VPS9D1: variants seen among roughly 807,000 people sequenced by gnomAD.
VPS9D1 encodes the protein VPS9 domain-containing protein 1.
VPS9D1 carries 78 observed loss-of-function variants against 75.8 expected under a neutral mutation model. The observed-to-expected ratio is 1.03, with a 90% CI of 0.86 to 1.24. The LOEUF (loss-of-function observed/expected upper bound fraction) is 1.24, where lower values mean the gene tolerates loss of function less well. Ranked by LOEUF, VPS9D1 falls within the 50% of genes most tolerant of loss-of-function variation. The pLI, the probability that VPS9D1 is intolerant of heterozygous loss-of-function variation, is 0.00. For synonymous variants in VPS9D1, 481 were observed against 385.6 expected, an observed-to-expected ratio of 1.25 and a Z score of -2.90; for missense variants, 1,057 against 847.7, an observed-to-expected ratio of 1.25 and a Z score of -3.07.
At position 89,720,794 on chromosome 16, in the gene VPS9D1, G is replaced by A. The variant is rs951476260; in HGVS notation, c.68C>T (p.Ala23Val). 4 of 1,460,096 alleles carry A rather than the reference G, an allele frequency of 2.7e-6. No homozygotes were observed. The highest frequency in any genetic ancestry group is 1.5e-5 in the African/African-American group (1 of 67,816). The allele number at this position is 1,460,096 out of a possible 1,614,324, so 90.4% of individuals were successfully genotyped here. ...CCGGTTGCCGGTGTCCAGCTCGATG[G>A]CCCCGTTGGCAAGCTTCATGGCGCT... ...LQSAMKLANG[A>V]IELDTGNRPR... is the part of the protein sequence containing the mutation. The change falls in exon 1 of 15, where the codon GCC becomes GTC. Residue 23 changes from alanine (A) to valine (V), a missense_variant. Coordinates refer to ENST00000389386, the MANE Select transcript of VPS9D1 (RefSeq NM_004913.3).
At chr16:89,709,932 C>G (rs776883275) in intron 10 of VPS9D1, 26 bp from the exon 11 acceptor site, 69 of 1,577,658 alleles carry the variant, frequency 4.4e-5, no homozygotes, top group Non-Finnish European at 5.9e-5. Flanking sequence ...CCGGGGACGT[C>G]CACAGAGGCT....
In VPS9D1 at chr16:89,709,573, C is replaced by T; in HGVS notation, c.1389-138G>A. On this transcript the variant is annotated intron_variant, in intron 11 of 14. Transcript: ENST00000389386. ...AAAAGCCCCAGCGTTGCCAAGACCC[C>T]AGGCACGGGAGAGTGGCAATAATCC... 18 of 1,274,242 alleles carry T rather than the reference C, an allele frequency of 1.4e-5. No homozygotes were observed. In the South Asian group the frequency reaches 2.7e-4, roughly 19 times the overall value. 78.9% of individuals were successfully genotyped at this position (1,274,242 alleles called of 1,614,324 possible).
rs1469831585 is a variant in VPS9D1 at position 89,719,099 on chromosome 16, C to T, written c.103G>A (p.Ala35Thr). 11 of 1,613,348 alleles carry T rather than the reference C, an allele frequency of 6.8e-6. No individual in the cohort carries two copies. The highest frequency in any genetic ancestry group is 4.5e-5 in the East Asian group (2 of 44,890). Residue 35 changes from alanine to threonine, a missense_variant, in exon 2 of 15, where the codon GCA (alanine) becomes ACA (threonine). Transcript: ENST00000389386. ...ATGCTCCTCAGGTATTCCGTGTATG[C>T]CTCCTGTGTCCAGGAAAGAGAAAGA... is the stretch of plus-strand genomic sequence containing the variant. ...ELDTGNRPRE[A>T]YTEYLRSIHY...
Position 89,711,883 on chromosome 16 carries a change from T to G in VPS9D1, c.746A>C (p.His249Pro). Reference protein sequence around the residue: ...YAAILEYEQDHDWPKHWKAKL... With the variant: ...YAAILEYEQDPDWPKHWKAKL... ...AGCCTGGGCCCGTGGGGGACGCACA[T>G]GGTCCTGTTCGTACTCCAGGATGGC... The change falls in exon 8 of 15, where the codon CAT becomes CCT. Residue 249 changes from histidine to proline, a missense_variant and splice_region_variant. Physicochemically the swap from His to Pro is moderately conservative, Grantham distance 77. Transcript: ENST00000389386. 6.4e-7 allele frequency: 1 copy of G among 1,550,530 alleles called. No individual in the cohort carries two copies. The highest frequency in any genetic ancestry group is 8.7e-7 in the Non-Finnish European group (1 of 1,146,696).
At chr16:89,711,250 T>C (rs1169623350) in intron 9 of VPS9D1, 77 bp downstream of exon 9, 3 of 1,472,440 alleles carry the variant, frequency 2.0e-6, no homozygotes, top group Non-Finnish European at 1.9e-6. Context: ...GTCCAGCCCC[T>C]CTCCGGCACC....
rs541861650 is a variant in VPS9D1 at position 89,715,518 on chromosome 16, G to A, written c.431+944C>T. On this transcript the variant is annotated intron_variant, in intron 4 of 14. Coordinates refer to ENST00000389386, the MANE Select transcript of VPS9D1 (RefSeq NM_004913.3). ...TGGGATTACAGGCGTGAGCCACCGC[G>A]CCCGGTCATTTTTTTTTTTTTTAGA... Among the ~76,000 whole-genome samples the A allele has an allele frequency of 1.3e-4, 20 of 151,294 alleles. No homozygotes were observed. The South Asian group carries it at 2.3e-3, about 17-fold the overall frequency.
Position 89,720,619 on chromosome 16 carries a change from CGCCCGGGAACCGCG to C in VPS9D1, c.99+130_99+143del, listed in dbSNP as rs755646618. 6.3e-4 allele frequency: 765 copies of C among 1,222,748 alleles called. 2 individuals are homozygous for C. The highest frequency in any genetic ancestry group is 6.0e-4 in the Non-Finnish European group (583 of 979,324). 75.7% of individuals were successfully genotyped at this position (1,222,748 alleles called of 1,614,324 possible). A position where few individuals can be genotyped will look rare whatever the true frequency, so the allele number is the denominator to read the frequency against. On this transcript the variant is annotated intron_variant, in intron 1 of 14. Coordinates refer to ENST00000389386, the MANE Select transcript of VPS9D1 (RefSeq NM_004913.3). ...CCCGGCTGCGCCCCGCCCCCGTCCT[CGCCCGGGAACCGCG>C]GCCCGGGATCCCGGCTGGCGCCCGC...
chr16:89,712,023 C>T lies in VPS9D1; in HGVS notation c.659+24G>A, dbSNP rs2060942902. On this transcript the variant is annotated intron_variant, in intron 7 of 14. Coordinates refer to ENST00000389386, the MANE Select transcript of VPS9D1 (RefSeq NM_004913.3). ...GGGGCCAGGCCCTCCCCGCAGCGGCCCCAGGGGCGGGCAGGAGTCCCACCT... is the reference window on the plus strand; with the variant it reads ...GGGGCCAGGCCCTCCCCGCAGCGGCTCCAGGGGCGGGCAGGAGTCCCACCT... 1.9e-6 allele frequency: 3 copies of T among 1,549,316 alleles called. No individual in the cohort carries two copies. In the African/African-American group the frequency reaches 4.1e-5, roughly 21 times the overall value.
intron 12 of VPS9D1, 64 bp from the exon 13 acceptor site, chr16:89,709,020 A>AGGG: frequency 1.6e-6 from 2 of 1,277,896 alleles, no homozygotes; most frequent in African/African-American, 4.6e-5. Flanking sequence ...CACCCCTTAT[A>AGGG]CCCCGCCCAC....
intron 2 of VPS9D1, chr16:89,717,865 G>A (rs548794278): frequency 2.4e-5 from 11 of 451,090 alleles, no homozygotes; most frequent in African/African-American, 1.8e-4. Context: ...TGGCTGCCCC[G>A]ACCTCTGTGA....
intron 1 of VPS9D1, chr16:89,720,557 G>C: frequency 1.7e-6 from 2 of 1,182,166 alleles, no homozygotes; most frequent in Non-Finnish European, 2.1e-6. Context: ...GGAAAGCCAA[G>C]GTCCGCAGGA....
At chr16:89,712,841 C>A in intron 4 of VPS9D1, 125 bp from the exon 5 acceptor site, 1 of 837,260 alleles carries the variant, frequency 1.2e-6, no homozygotes, top group Non-Finnish European at 1.8e-6. Context: ...AGGAGGGGAG[C>A]CATCTGGGGT....
intron 10 of VPS9D1, 26 bp from the exon 11 acceptor site, chr16:89,709,932 C>T (rs776883275): frequency 6.3e-6 from 10 of 1,577,776 alleles, no homozygotes; most frequent in Non-Finnish European, 8.6e-6. Context: ...CCGGGGACGT[C>T]CACAGAGGCT....
chr16:89,716,370 A>G, intron 4 of VPS9D1, 92 bp downstream of exon 4: 2 of 1,576,270 alleles, frequency 1.3e-6, no homozygotes, highest in South Asian at 2.3e-5. Flanking sequence ...TGTCTCAAAA[A>G]ACAAAAAAAA....
intron 2 of VPS9D1, chr16:89,717,665 A>G (rs1230744138): frequency 4.5e-6 from 2 of 442,734 alleles, no homozygotes; most frequent in African/African-American, 4.3e-5. Flanking sequence ...ACCCGTCCCC[A>G]CCTTGCCAGA....
At chr16:89,718,421 C>T (rs1450790141) in intron 2 of VPS9D1, among the ~76,000 whole-genome samples, 1 of 152,216 alleles carries the variant, frequency 6.6e-6, no homozygotes, top group Non-Finnish European at 1.5e-5. Flanking sequence ...ACCCCGCCCA[C>T]TCCTATTTCA....
chr16:89,715,393 A>AT (rs1336822993), intron 4 of VPS9D1, among the ~76,000 whole-genome samples: 1 of 150,474 alleles, frequency 6.6e-6, no homozygotes, highest in Non-Finnish European at 1.5e-5. Flanking sequence ...CGCCCAGCTA[A>AT]TTTTTTGTAT....
At chr16:89,717,469 A>C (rs2061101610) in intron 2 of VPS9D1, 2 of 436,054 alleles carry the variant, frequency 4.6e-6, no homozygotes, top group African/African-American at 4.0e-5. Context: ...CCTCTGCGCG[A>C]CCATGGACCT....
Position 89,720,855 on chromosome 16 carries a change from C to T in VPS9D1, c.7G>A (p.Ala3Thr). 1.4e-6 allele frequency: 2 copies of T among 1,406,834 alleles called. No individual in the cohort carries two copies. Among genetic ancestry groups the T allele is most frequent in the South Asian group, 1.5e-5 (1 of 66,936 alleles). The allele number at this position is 1,406,834 out of a possible 1,614,324, so 87.1% of individuals were successfully genotyped here. ...TTCACCGTGCCGTCCCCGGCCGCAG[C>T]GGCCATGGCGCCGAGCGGGGGAGGC... MAAAAGDGTVKPL... is the reference protein window; with the variant it reads MATAAGDGTVKPL... The change falls in exon 1 of 15, where the codon GCT (alanine) becomes ACT (threonine). Residue 3 changes from alanine (A) to threonine (T), a missense_variant. Physicochemically the swap from Ala to Thr is moderately conservative, Grantham distance 58. Coordinates refer to ENST00000389386, the MANE Select transcript of VPS9D1 (RefSeq NM_004913.3).
Sources: gnomAD v4.1 joint callset for allele counts (sites outside exome capture counted in the v4.1 genomes callset) on GRCh38, gnomAD v4.1.1 for gene constraint, MANE v1.5 for transcripts, NCBI Gene and HGNC (gene_info 2026-07-23, HGNC 2026-07-21) for gene names.